The following MALRD1 variants were observed in gnomAD, a reference collection of about 807,000 sequenced individuals.
The protein encoded by MALRD1 is MAM and LDL receptor class A domain containing 1, also known as MAM and LDL-receptor class A domain-containing protein 1.
MALRD1 carries 247 observed loss-of-function variants against 242.1 expected under a neutral mutation model. The observed-to-expected ratio is 1.02, with a 90% CI of 0.92 to 1.13. The LOEUF (loss-of-function observed/expected upper bound fraction) is 1.13, where lower values mean the gene tolerates loss of function less well. Among genes scored for constraint, MALRD1 ranks in the 50% most tolerant of loss-of-function variants. MALRD1 has a pLI of 0.00. For missense variants in MALRD1, 2,989 were observed against 2,533.1 expected (o/e 1.18, Z -3.86); for synonymous variants, 995 against 866.6 (o/e 1.15, Z -2.60).
chr10:19,157,881 C>T (rs965166298), intron 12 of MALRD1, among the ~76,000 whole-genome samples: 18 of 152,002 alleles, frequency 1.2e-4, no homozygotes, highest in Non-Finnish European at 1.3e-4. Flanking sequence ...TCTAACAGCA[C>T]GATTTTAGGG....
At chr10:19,108,139 T>G (rs1836536260) in intron 5 of MALRD1, among the ~76,000 whole-genome samples, 1 of 152,164 alleles carries the variant, frequency 6.6e-6, no homozygotes, top group Admixed American at 6.5e-5. Flanking sequence ...AAACTTTGTC[T>G]GCTTAATGGT....
intron 18 of MALRD1, among the ~76,000 whole-genome samples, chr10:19,242,449 A>G (rs1278705429): frequency 2.0e-5 from 3 of 152,080 alleles, no homozygotes; most frequent in Admixed American, 6.6e-5. Context: ...GGTCTATGGT[A>G]TAGTTTGAGT....
chr10:19,547,810 ATATATATATTTTTTTTT>A (rs1336776073), intron 32 of MALRD1, among the ~76,000 whole-genome samples: 2 of 14,372 alleles, frequency 1.4e-4, no homozygotes, highest in African/African-American at 2.2e-4. Context: ...ATATATATAT[ATATATATATTTTTTTTT>A]TTTTTTTTTT....
At chr10:19,313,718 A>G (rs1195574240) in intron 21 of MALRD1, among the ~76,000 whole-genome samples, 1 of 151,586 alleles carries the variant, frequency 6.6e-6, no homozygotes, top group East Asian at 1.9e-4. Flanking sequence ...TCTTAAATAA[A>G]ATATATTACA....
intron 7 of MALRD1, among the ~76,000 whole-genome samples, chr10:19,125,312 TCC>T (rs1837227553): frequency 1.7e-5 from 1 of 60,188 alleles, no homozygotes; most frequent in Non-Finnish European, 3.1e-5. Flanking sequence ...CTTCCTTCCT[TCC>T]TTCCTTCCTT....
At chr10:19,670,066 GCACACACA>G (rs3071775) in intron 36 of MALRD1, among the ~76,000 whole-genome samples, 6 of 148,254 alleles carry the variant, frequency 4.0e-5, no homozygotes, top group African/African-American at 7.4e-5. Flanking sequence ...CCTCGCACGT[GCACACACA>G]CACACACACA....
intron 29 of MALRD1, among the ~76,000 whole-genome samples, chr10:19,460,165 A>G (rs10764021): frequency 0.81 from 123,901 of 152,036 alleles, 50,678 homozygotes; most frequent in East Asian, 1. Context: ...CCTACTTTAT[A>G]CTCATATATA....
chr10:19,440,995 T>C (rs994026330), intron 28 of MALRD1, among the ~76,000 whole-genome samples: 1 of 151,980 alleles, frequency 6.6e-6, no homozygotes, highest in African/African-American at 2.4e-5. Flanking sequence ...CTAGATCCTC[T>C]CCAGCACCTG....
chr10:19,590,701 TTG>T (rs532855419), intron 33 of MALRD1, among the ~76,000 whole-genome samples: 4 of 151,980 alleles, frequency 2.6e-5, no homozygotes, highest in African/African-American at 9.7e-5. Flanking sequence ...TATATATACA[TTG>T]TGTGTGTGTG....
intron 4 of MALRD1, among the ~76,000 whole-genome samples, chr10:19,094,620 A>G (rs942638885): frequency 3.3e-5 from 5 of 151,584 alleles, no homozygotes; most frequent in African/African-American, 1.2e-4. Context: ...TCCTCCCCCA[A>G]CTTCCTCTTT....
chr10:19,318,590 A>G (rs1018800840), intron 21 of MALRD1, among the ~76,000 whole-genome samples: 5 of 151,350 alleles, frequency 3.3e-5, no homozygotes, highest in Admixed American at 1.3e-4. Flanking sequence ...CCAGTGACAT[A>G]TGCTTTTATC....
At chr10:19,211,065 G>T (rs1050802904) in intron 18 of MALRD1, among the ~76,000 whole-genome samples, 3 of 152,074 alleles carry the variant, frequency 2.0e-5, no homozygotes, top group Non-Finnish European at 4.4e-5. Context: ...AATTCTTAAC[G>T]TCTCATTGGG....
intron 5 of MALRD1, among the ~76,000 whole-genome samples, chr10:19,112,124 C>A (rs556808113): frequency 1.3e-5 from 2 of 150,860 alleles, no homozygotes; most frequent in South Asian, 4.2e-4. Flanking sequence ...GTAAATGGAG[C>A]CTGAATTTTA....
intron 21 of MALRD1, among the ~76,000 whole-genome samples, chr10:19,315,623 T>TTATAAATATTATTTATATAAATA (rs1564555287): frequency 3.5e-5 from 3 of 84,864 alleles, no homozygotes; most frequent in Admixed American, 1.4e-4. Flanking sequence ...TTTATATAAA[T>TTATAAATATTATTTATATAAATA]TATAAATATT....
intron 38 of MALRD1, among the ~76,000 whole-genome samples, chr10:19,695,991 G>C (rs934219893): frequency 3.9e-5 from 6 of 152,182 alleles, no homozygotes; most frequent in South Asian, 2.1e-4. Context: ...AATGACACAT[G>C]AGAATTATTA....
intron 26 of MALRD1, among the ~76,000 whole-genome samples, chr10:19,381,073 C>T (rs1564288710): frequency 1.6e-5 from 2 of 127,112 alleles, no homozygotes; most frequent in African/African-American, 6.0e-5. Context: ...CCCCACCCCA[C>T]CACAGTCCCC....
chr10:19,320,041 C>CTTTTT (rs34481531), intron 21 of MALRD1, among the ~76,000 whole-genome samples: 10 of 73,068 alleles, frequency 1.4e-4, no homozygotes, highest in African/African-American at 1.7e-4. Context: ...TATAAAACTG[C>CTTTTT]TTTTTTTTTT....
intron 36 of MALRD1, among the ~76,000 whole-genome samples, chr10:19,654,417 C>G (rs1269028333): frequency 6.6e-6 from 1 of 152,038 alleles, no homozygotes; most frequent in Non-Finnish European, 1.5e-5. Flanking sequence ...ATTTATAGTG[C>G]AAGCATCAAT....
At chr10:19,309,656 G>A (rs900619614) in intron 21 of MALRD1, among the ~76,000 whole-genome samples, 15 of 151,532 alleles carry the variant, frequency 9.9e-5, no homozygotes, top group African/African-American at 3.6e-4. Context: ...GCATGAACTA[G>A]CTGGTTAAAA....
Sources: allele counts gnomAD v4.1 joint callset (sites outside exome capture counted in the v4.1 genomes callset), GRCh38; gene constraint gnomAD v4.1.1; transcripts MANE v1.5; gene names NCBI Gene and HGNC (gene_info 2026-07-23, HGNC 2026-07-21).